The following CAST variants were observed in gnomAD, a reference collection of about 807,000 sequenced individuals.
The protein encoded by CAST is calpastatin, also known as MIR583 host.
CAST carries 76 observed loss-of-function variants against 119.6 expected under a neutral mutation model. The observed-to-expected ratio is 0.64, with a 90% CI of 0.53 to 0.77. The LOEUF (loss-of-function observed/expected upper bound fraction) is 0.77. Among genes scored for constraint, CAST ranks in the 30% least tolerant of loss-of-function variants. The pLI, the probability that CAST is intolerant of heterozygous loss-of-function variation, is 0.00. For missense variants in CAST, 953 were observed against 946.5 expected, an observed-to-expected ratio of 1.01 and a Z score of -0.09; for synonymous variants, 319 against 331.6, an observed-to-expected ratio of 0.96 and a Z score of 0.41.
chr5:96,386,455 T>C, the CAST span, among the ~76,000 whole-genome samples: 4 of 152,204 alleles, frequency 2.6e-5, no homozygotes, highest in African/African-American at 9.6e-5. Context: ...GGAATGACAA[T>C]TCACGAGGCC....
the CAST span, among the ~76,000 whole-genome samples, chr5:96,034,462 T>TACACACACACACACACAC: frequency 9.6e-3 from 979 of 101,788 alleles, 35 homozygotes; most frequent in Non-Finnish European, 0.013. Context: ...GTATATATCA[T>TACACACACACACACACAC]ACACACACAC....
intron 29 of CAST, chr5:96,770,305 C>T (rs991759239): frequency 4.0e-6 from 2 of 501,414 alleles, no homozygotes; most frequent in Non-Finnish European, 7.3e-6. Flanking sequence ...ATTAGAGCAT[C>T]AATGTCACCC....
At chr5:96,195,062 A>G in the CAST span, among the ~76,000 whole-genome samples, 2 of 152,258 alleles carry the variant, frequency 1.3e-5, no homozygotes, top group African/African-American at 4.8e-5. Flanking sequence ...AGGCTTTCAT[A>G]TATAATAATC....
intron 19 of CAST, among the ~76,000 whole-genome samples, chr5:96,749,588 C>T (rs964591870): frequency 2.0e-5 from 3 of 152,166 alleles, no homozygotes; most frequent in African/African-American, 7.2e-5. Context: ...ACTCTCTCTC[C>T]CAGCTGGGAG....
At position 96,773,178 on chromosome 5, in the gene CAST, C is replaced by T. The variant is rs369920978; in HGVS notation, c.*562C>T. 9.7e-5 allele frequency: 15 copies of T among 153,896 alleles called. No homozygotes were observed. Among genetic ancestry groups the T allele is most frequent in the African/African-American group, 3.6e-4 (15 of 41,546 alleles). 9.5% of individuals were successfully genotyped at this position (153,896 alleles called of 1,614,324 possible). On this transcript the variant is annotated 3_prime_UTR_variant, in exon 32 of 32. Transcript: ENST00000675179. ...ATTGTACATTGGGCACATATCTCCT[C>T]TTGGGCTGCTAATAATAAATTAATA... is the stretch of plus-strand genomic sequence containing the variant.
At chr5:96,687,765 T>C (rs994751198) in intron 2 of CAST, among the ~76,000 whole-genome samples, 18 of 152,232 alleles carry the variant, frequency 1.2e-4, no homozygotes, top group Non-Finnish European at 1.8e-4. Flanking sequence ...AAAACAATCT[T>C]ATAATAACAT....
At position 96,561,703 on chromosome 5, in the gene CAST, A is replaced by T. The variant is rs187976176; in HGVS notation, c.60+31823A>T. On this transcript the variant is annotated intron_variant, in intron 1 of 11. Transcript: ENST00000505143. ...TTCTGCACATGTAACCCAGAACTTA[A>T]AGTACAATAAAAAAATTAAAGTATA... 7.7e-4 allele frequency among the ~76,000 whole-genome samples: 117 copies of T among 151,992 alleles called. 1 individual carries two copies. The highest frequency in any genetic ancestry group is 2.7e-3 in the African/African-American group (111 of 41,480).
At chr5:96,671,254 A>C (rs1426568661) in intron 1 of CAST, among the ~76,000 whole-genome samples, 1 of 151,914 alleles carries the variant, frequency 6.6e-6, no homozygotes, top group Non-Finnish European at 1.5e-5. Context: ...ATTCTTTACT[A>C]TGGCATCCTG....
chr5:96,405,155 G>A, the CAST span, among the ~76,000 whole-genome samples: 2 of 152,116 alleles, frequency 1.3e-5, no homozygotes, highest in Non-Finnish European at 2.9e-5. Flanking sequence ...TATGTACCTT[G>A]GCAGTAAGGA....
the CAST span, among the ~76,000 whole-genome samples, chr5:96,015,945 G>A: frequency 6.6e-6 from 1 of 152,188 alleles, no homozygotes; most frequent in African/African-American, 2.4e-5. Flanking sequence ...TCAAACACTA[G>A]TCTAGGTGTT....
chr5:96,375,897 CTCTA>C, the CAST span, among the ~76,000 whole-genome samples: 1 of 142,560 alleles, frequency 7.0e-6, no homozygotes, highest in African/African-American at 2.7e-5. Context: ...ATCTCTCTCT[CTCTA>C]TATATATATA....
intron 2 of CAST, among the ~76,000 whole-genome samples, chr5:96,679,969 T>TA (rs1751159168): frequency 6.6e-6 from 1 of 152,140 alleles, no homozygotes; most frequent in East Asian, 1.9e-4. Context: ...AATTATTATA[T>TA]ATGCCAATTT....
At chr5:96,412,378 C>G in the CAST span, 1 of 1,614,060 alleles carries the variant, frequency 6.2e-7, no homozygotes, top group Non-Finnish European at 8.5e-7. Context: ...CCACAGTTTT[C>G]CCATCATCAT....
At chr5:96,644,034 A>G (rs1314083677) in intron 1 of CAST, among the ~76,000 whole-genome samples, 1 of 151,390 alleles carries the variant, frequency 6.6e-6, no homozygotes, top group Non-Finnish European at 1.5e-5. Flanking sequence ...GGACAGAACG[A>G]GGTTCCGTCT....
chr5:95,962,103 G>T, the CAST span: 1 of 382,116 alleles, frequency 2.6e-6, no homozygotes, highest in Non-Finnish European at 4.6e-6. Context: ...GGTCGTCTTG[G>T]CTAGCCGGCC....
intron 1 of CAST, among the ~76,000 whole-genome samples, chr5:96,588,289 C>A (rs1472248144): frequency 7.0e-6 from 1 of 141,878 alleles, no homozygotes; most frequent in Non-Finnish European, 1.5e-5. Context: ...GCAACCTCTG[C>A]CTCCCAGGTT....
chr5:96,460,687 G>A, the CAST span, among the ~76,000 whole-genome samples: 1 of 152,022 alleles, frequency 6.6e-6, no homozygotes, highest in South Asian at 2.1e-4. Context: ...AAGAAATCAT[G>A]CTTGCATAAA....
chr5:96,108,385 T>G, the CAST span, among the ~76,000 whole-genome samples: 2 of 152,214 alleles, frequency 1.3e-5, no homozygotes, highest in Non-Finnish European at 2.9e-5. Context: ...ATGATGGTGA[T>G]GTACAGATGG....
chr5:96,469,998 AT>A, the CAST span, among the ~76,000 whole-genome samples: 11 of 151,226 alleles, frequency 7.3e-5, no homozygotes, highest in African/African-American at 2.7e-4. Context: ...AAATGTAAGC[AT>A]TACATTTTAA....
Sources: allele counts gnomAD v4.1 joint callset (sites outside exome capture counted in the v4.1 genomes callset), GRCh38; gene constraint gnomAD v4.1.1; transcripts MANE v1.5; gene names NCBI Gene and HGNC (gene_info 2026-07-23, HGNC 2026-07-21).